Variants in RABGAP1 observed in about 807,000 individuals in gnomAD.
RABGAP1 encodes the protein RAB GTPase activating protein 1, also known as rab GTPase-activating protein 1.
RABGAP1 carries 23 observed loss-of-function variants against 137.6 expected under a neutral mutation model. That is an observed-to-expected ratio of 0.17 (90% CI 0.12 to 0.24). The LOEUF (loss-of-function observed/expected upper bound fraction) is 0.24, where lower values mean the gene tolerates loss of function less well. RABGAP1 is among the 10% of genes least tolerant of loss of function. The pLI is 1.00. For missense variants in RABGAP1, 906 were observed against 1,275.8 expected, an observed-to-expected ratio of 0.71 and a Z score of 4.42; for synonymous variants, 451 against 450.7, an observed-to-expected ratio of 1.00 and a Z score of -0.01.
chr9:122,962,016 T>C (rs1834880225), intron 2 of RABGAP1, among the ~76,000 whole-genome samples: 1 of 152,158 alleles, frequency 6.6e-6, no homozygotes. Flanking sequence ...TCTTTAAAGG[T>C]ATATATAAAA....
intron 21 of RABGAP1, among the ~76,000 whole-genome samples, chr9:123,091,468 C>T (rs1262082621): frequency 6.6e-6 from 1 of 152,198 alleles, no homozygotes; most frequent in African/African-American, 2.4e-5. Context: ...ACAGAGACCA[C>T]AGTATCTACC....
chr9:122,959,427 T>C (rs945361740), intron 2 of RABGAP1, among the ~76,000 whole-genome samples: 1 of 150,166 alleles, frequency 6.7e-6, no homozygotes, highest in African/African-American at 2.4e-5. Flanking sequence ...CATGATCTAA[T>C]TTATATTTTT....
intron 2 of RABGAP1, among the ~76,000 whole-genome samples, chr9:122,981,634 C>T (rs1458309727): frequency 6.6e-6 from 1 of 152,154 alleles, no homozygotes; most frequent in African/African-American, 2.4e-5. Flanking sequence ...TTAGCAAGCT[C>T]TCCTGGTGAT....
chr9:123,048,595 G>A (rs1032721235), intron 13 of RABGAP1, among the ~76,000 whole-genome samples: 3 of 152,166 alleles, frequency 2.0e-5, no homozygotes, highest in African/African-American at 7.2e-5. Flanking sequence ...AGTTTACTTG[G>A]TAATAATACA....
chr9:123,072,608 C>T (rs2034390309), intron 15 of RABGAP1, among the ~76,000 whole-genome samples: 1 of 152,190 alleles, frequency 6.6e-6, no homozygotes, highest in African/African-American at 2.4e-5. Flanking sequence ...GGTTAGGCCA[C>T]ATCTCCTTGC....
chr9:123,101,600 T>A lies in RABGAP1; in HGVS notation c.2924T>A (p.Phe975Tyr), dbSNP rs1297761846. The change falls in exon 25 of 26, where the codon TTT becomes TAT. Residue 975 changes from phenylalanine to tyrosine, a missense_variant. Phe to Tyr is a conservative substitution (Grantham distance 22). Around this residue, in one of 9 missense-constraint regions of RABGAP1, gnomAD observed 193 missense variants for 248.1 expected, o/e 0.78. Transcript: ENST00000373647. ...GATGACTGTGAGCGGTGCCGGGAAT[T>A]TTTCAACAAAGAAGGGCGTGTAAAA... ...KVDDCERCRE[F>Y]FNKEGRVKGI... 14 of 1,613,936 alleles carry A rather than the reference T, an allele frequency of 8.7e-6. No homozygotes were observed. Among genetic ancestry groups the A allele is most frequent in the East Asian group, 2.2e-5 (1 of 44,890 alleles).
intron 1 of RABGAP1, among the ~76,000 whole-genome samples, chr9:122,947,426 A>G (rs1771509223): frequency 6.6e-6 from 1 of 152,226 alleles, no homozygotes; most frequent in Non-Finnish European, 1.5e-5. Flanking sequence ...GACAATGTAA[A>G]TGTATTTAAT....
At chr9:123,013,212 C>T (rs751811393) in intron 11 of RABGAP1, among the ~76,000 whole-genome samples, 22 of 152,066 alleles carry the variant, frequency 1.4e-4, no homozygotes, top group Non-Finnish European at 2.8e-4. Context: ...CCACCTTTCC[C>T]CAAAGAGTTG....
chr9:122,997,422 A>G, intron 9 of RABGAP1, 61 bp downstream of exon 9: 2 of 1,232,558 alleles, frequency 1.6e-6, no homozygotes, highest in Non-Finnish European at 2.3e-6. Context: ...ATGCAAAACT[A>G]AGGACCCCTT....
intron 13 of RABGAP1, among the ~76,000 whole-genome samples, chr9:123,048,957 A>G (rs2033339707): frequency 6.6e-6 from 1 of 152,226 alleles, no homozygotes; most frequent in Non-Finnish European, 1.5e-5. Context: ...CTTGAGCCCT[A>G]AAAGGAAATG....
chr9:123,086,436 AG>A (rs1177962745), intron 19 of RABGAP1, among the ~76,000 whole-genome samples: 2 of 152,222 alleles, frequency 1.3e-5, no homozygotes, highest in Non-Finnish European at 2.9e-5. Flanking sequence ...TGTCATAGGC[AG>A]GCTGGGAGGT....
intron 13 of RABGAP1, among the ~76,000 whole-genome samples, chr9:123,032,728 C>T (rs1425414868): frequency 6.6e-6 from 1 of 152,166 alleles, no homozygotes; most frequent in African/African-American, 2.4e-5. Context: ...ACTAAAATTA[C>T]ACATTTTCAT....
intron 10 of RABGAP1, among the ~76,000 whole-genome samples, chr9:123,004,225 T>C (rs2029995106): frequency 6.6e-6 from 1 of 152,256 alleles, no homozygotes; most frequent in Non-Finnish European, 1.5e-5. Context: ...AGGGTTTTTC[T>C]TGACACTTAG....
At chr9:123,057,107 G>C (rs1216800169) in intron 13 of RABGAP1, among the ~76,000 whole-genome samples, 1 of 145,344 alleles carries the variant, frequency 6.9e-6, no homozygotes, top group African/African-American at 2.6e-5. Context: ...GCGGGGGGCT[G>C]ACCCCCCCAC....
At chr9:123,034,948 T>C in intron 13 of RABGAP1, 2 of 1,612,952 alleles carry the variant, frequency 1.2e-6, no homozygotes, top group Non-Finnish European at 1.7e-6. Flanking sequence ...CATTGATAGA[T>C]ACATTGCCAT....
intron 13 of RABGAP1, chr9:123,035,663 TG>T (rs780896254): frequency 1.1e-6 from 1 of 891,640 alleles, no homozygotes; most frequent in East Asian, 2.4e-5. Context: ...TGTGTGTGTG[TG>T]TGTGTGTGTG....
At chr9:123,012,780 A>G (rs2131888184) in intron 11 of RABGAP1, among the ~76,000 whole-genome samples, 1 of 152,350 alleles carries the variant, frequency 6.6e-6, no homozygotes, top group East Asian at 1.9e-4. Flanking sequence ...GTAACCCCCT[A>G]GAATTCATTT....
intron 1 of RABGAP1, among the ~76,000 whole-genome samples, chr9:122,953,788 T>A (rs961061577): frequency 6.6e-6 from 1 of 152,256 alleles, no homozygotes; most frequent in African/African-American, 2.4e-5. Flanking sequence ...TGTCAATTTA[T>A]AAAAGGTGGC....
intron 13 of RABGAP1, among the ~76,000 whole-genome samples, chr9:123,059,660 C>T (rs2033890270): frequency 6.6e-6 from 1 of 152,086 alleles, no homozygotes; most frequent in African/African-American, 2.4e-5. Context: ...AGGGCAAAGT[C>T]CTTATGCATG....
Sources: allele counts gnomAD v4.1 joint callset (sites outside exome capture counted in the v4.1 genomes callset), GRCh38; gene constraint gnomAD v4.1.1; regional missense constraint gnomAD v4.1.1; transcripts MANE v1.5; gene names NCBI Gene and HGNC (gene_info 2026-07-23, HGNC 2026-07-21).